ANOS1: variants seen among roughly 807,000 people sequenced by gnomAD.
ANOS1 encodes anosmin 1.
In ANOS1, 6 loss-of-function variants were observed where a neutral mutation model predicts 59.0. The observed-to-expected ratio is 0.10, with a 90% CI of 0.06 to 0.20. The LOEUF (loss-of-function observed/expected upper bound fraction) is 0.20. Among genes scored for constraint, ANOS1 ranks in the 10% least tolerant of loss-of-function variants. The pLI is 1.00. For synonymous variants in ANOS1, 217 were observed against 223.4 expected, an observed-to-expected ratio of 0.97 and a Z score of 0.25; for missense variants, 433 against 542.3, an observed-to-expected ratio of 0.80 and a Z score of 2.00.
chrX:8,536,188 C>CTTTT lies in ANOS1; in HGVS notation c.1622-381_1622-378dup, dbSNP rs1304219147. ...GTTAGAAGAGTTATTAAATCCGAAG[C>CTTTT]TTTTTTTTTTTTTTTTTTTTTTTTT... On this transcript the variant is annotated intron_variant, in intron 11 of 13. Transcript: ENST00000262648. Among the ~76,000 whole-genome samples the CTTTT allele has an allele frequency of 4.3e-3, 138 of 31,888 alleles. 26 individuals are homozygous for CTTTT. The highest frequency in any genetic ancestry group is 0.013 in the African/African-American group (117 of 8,888). 27.7% of individuals were successfully genotyped at this position (31,888 alleles called of 115,157 possible).
chrX:8,695,694 G>T (rs1032535888), intron 2 of ANOS1, among the ~76,000 whole-genome samples: 25 of 98,083 alleles, frequency 2.5e-4, no homozygotes, highest in South Asian at 4.9e-4. Flanking sequence ...GTAGCTATAA[G>T]GGTGGAAAAA....
At chrX:8,612,995 T>C (rs1268206587) in intron 3 of ANOS1, among the ~76,000 whole-genome samples, 1 of 111,995 alleles carries the variant, frequency 8.9e-6, no homozygotes, top group Non-Finnish European at 1.9e-5. Flanking sequence ...AAGGAGACTC[T>C]CTTCATTCAT....
chrX:8,685,660 A>AAAG lies in ANOS1; in HGVS notation c.255+14037_255+14038insCTT, dbSNP rs1569082698. Reference sequence around the variant, plus strand: ...AGAAAGAAAGAAAGAAAGAAAGAAAAAGAAAGGAAGGAAGGAGGGAGGAAG... The same window carrying AAAG: ...AGAAAGAAAGAAAGAAAGAAAGAAAAAAGAGAAAGGAAGGAAGGAGGGAGGAAG... On this transcript the variant is annotated intron_variant, in intron 2 of 13. Transcript: ENST00000262648. Among the ~76,000 whole-genome samples the AAAG allele has an allele frequency of 8.6e-4, 84 of 97,533 alleles. No individual in the cohort carries two copies. In the East Asian group the frequency reaches 0.01, roughly 12 times the overall value. The allele number at this position is 97,533 out of a possible 115,157, so 84.7% of individuals were successfully genotyped here. A position where few individuals can be genotyped will look rare whatever the true frequency, so the allele number is the denominator to read the frequency against.
chrX:8,701,268 C>G (rs1428723563), intron 1 of ANOS1, among the ~76,000 whole-genome samples: 1 of 111,135 alleles, frequency 9.0e-6, no homozygotes, highest in East Asian at 2.8e-4. Context: ...GTTTGAACGT[C>G]TAAACTTTTA....
intron 2 of ANOS1, among the ~76,000 whole-genome samples, chrX:8,683,380 T>C (rs1319306417): frequency 9.0e-6 from 1 of 110,891 alleles, no homozygotes; most frequent in East Asian, 2.8e-4. Context: ...TCGGCCCAGG[T>C]GATGGAGCTA....
chrX:8,716,480 A>G (rs1932842520), intron 1 of ANOS1, among the ~76,000 whole-genome samples: 1 of 112,265 alleles, frequency 8.9e-6, no homozygotes, highest in Admixed American at 9.4e-5. Context: ...ATGTCTCCTC[A>G]TAAGCGAGAG....
rs770711740 is a variant in ANOS1, at chrX:8,600,641, TCTCTTA to T, written c.319-3391_319-3386del. ...GCATTATTAACTCTCAAGGCTTTTA[TCTCTTA>T]CTCTATTTCACAGTCCATTTTTCTG... On this transcript the variant is annotated intron_variant, in intron 3 of 13. Coordinates refer to ENST00000262648, the MANE Select transcript of ANOS1 (RefSeq NM_000216.4). Among the ~76,000 whole-genome samples the T allele has an allele frequency of 6.2e-5, 7 of 112,428 alleles. No individual in the cohort carries two copies. The East Asian group carries it at 1.7e-3, about 27-fold the overall frequency.
At chrX:8,537,258 G>A (rs969964985) in intron 10 of ANOS1, among the ~76,000 whole-genome samples, 18 of 111,511 alleles carry the variant, frequency 1.6e-4, no homozygotes, top group Non-Finnish European at 3.4e-4. Flanking sequence ...GTGTAAAGCT[G>A]TAAATACAAA....
intron 9 of ANOS1, among the ~76,000 whole-genome samples, chrX:8,548,427 A>G (rs763850488): frequency 2.7e-5 from 3 of 112,367 alleles, no homozygotes; most frequent in Non-Finnish European, 5.6e-5. Context: ...GCCAAATTCC[A>G]TATTTTTGCC....
chrX:8,685,475 C>T (rs1333201793), intron 2 of ANOS1, among the ~76,000 whole-genome samples: 4 of 77,487 alleles, frequency 5.2e-5, no homozygotes, highest in Non-Finnish European at 7.6e-5. Context: ...AACAATTGAA[C>T]AGAAAAAAGA....
At chrX:8,621,426 ATTAAAG>A (rs1477928013) in intron 3 of ANOS1, among the ~76,000 whole-genome samples, 2 of 111,509 alleles carry the variant, frequency 1.8e-5, no homozygotes, top group Non-Finnish European at 3.8e-5. Flanking sequence ...AGGGTAGAAA[ATTAAAG>A]TTAAGAGCAC....
chrX:8,588,457 T>A (rs773220683), intron 4 of ANOS1, among the ~76,000 whole-genome samples: 1 of 106,463 alleles, frequency 9.4e-6, no homozygotes, highest in Non-Finnish European at 2.0e-5. Flanking sequence ...TGATCTTCCT[T>A]CTTTCTCAGG....
chrX:8,586,352 A>G (rs1313159733), intron 5 of ANOS1, among the ~76,000 whole-genome samples: 2 of 112,514 alleles, frequency 1.8e-5, no homozygotes, highest in African/African-American at 6.4e-5. Flanking sequence ...AAGGAAGAAT[A>G]TGAACTCTTA....
chrX:8,572,933 A>G (rs1367129655), intron 6 of ANOS1, among the ~76,000 whole-genome samples: 1 of 111,284 alleles, frequency 9.0e-6, no homozygotes, highest in East Asian at 2.8e-4. Flanking sequence ...AAGCACCCCA[A>G]TATGGAGGTC....
At chrX:8,678,965 A>T (rs1932378374) in intron 2 of ANOS1, among the ~76,000 whole-genome samples, 1 of 111,496 alleles carries the variant, frequency 9.0e-6, no homozygotes, top group Non-Finnish European at 1.9e-5. Context: ...AACACACACC[A>T]CTTACTGTGA....
At chrX:8,635,262 G>A (rs926069881) in intron 2 of ANOS1, among the ~76,000 whole-genome samples, 4 of 111,083 alleles carry the variant, frequency 3.6e-5, no homozygotes, top group Admixed American at 2.9e-4. Flanking sequence ...TCCTCACAAC[G>A]AAGATAGGAG....
At chrX:8,546,815 A>G (rs759837765) in intron 9 of ANOS1, among the ~76,000 whole-genome samples, 2 of 112,093 alleles carry the variant, frequency 1.8e-5, no homozygotes, top group East Asian at 5.6e-4. Flanking sequence ...TTCAAGCTAG[A>G]AGATAAACAC....
chrX:8,636,041 A>C (rs1331463727), intron 2 of ANOS1, among the ~76,000 whole-genome samples: 1 of 111,898 alleles, frequency 8.9e-6, no homozygotes, highest in Non-Finnish European at 1.9e-5. Flanking sequence ...TCTGCACAGC[A>C]TGATTCTGAC....
intron 8 of ANOS1, among the ~76,000 whole-genome samples, chrX:8,557,181 G>A (rs1277580302): frequency 8.9e-6 from 1 of 112,119 alleles, no homozygotes; most frequent in Admixed American, 9.5e-5. Flanking sequence ...ACTCAAGATG[G>A]ATTAAAGATT....
Sources: gnomAD v4.1 joint callset for allele counts (sites outside exome capture counted in the v4.1 genomes callset) on GRCh38, gnomAD v4.1.1 for gene constraint, MANE v1.5 for transcripts, NCBI Gene and HGNC (gene_info 2026-07-23, HGNC 2026-07-21) for gene names.